The following LIG3 variants were observed in gnomAD, a reference collection of about 807,000 sequenced individuals.
LIG3 encodes the protein ligase II, DNA, ATP-dependent.
Under a neutral mutation model 110.9 loss-of-function variants are expected in LIG3, and 58 were observed. That is an observed-to-expected ratio of 0.52 (90% CI 0.42 to 0.65). The LOEUF (loss-of-function observed/expected upper bound fraction) is 0.65, where lower values mean the gene tolerates loss of function less well. Ranked by LOEUF, LIG3 falls within the 30% of genes least tolerant of loss-of-function variation. LIG3 has a pLI of 0.00. For missense variants in LIG3, 1,094 were observed against 1,273.8 expected (o/e 0.86, Z 2.15); for synonymous variants, 422 against 472.8 (o/e 0.89, Z 1.39).
At chr17:35,003,096 T>C in intron 19 of LIG3, 1 of 1,612,580 alleles carries the variant, frequency 6.2e-7, no homozygotes. Context: ...ACTCAGCTGC[T>C]GGCCCCAAGT....
intron 3 of LIG3, among the ~76,000 whole-genome samples, chr17:34,987,779 G>A (rs1023688032): frequency 1.3e-5 from 2 of 152,170 alleles, no homozygotes; most frequent in Admixed American, 6.5e-5. Context: ...CAGTGAGTTT[G>A]TGTATTTATT....
In LIG3 at chr17:34,999,308, C is replaced by T. The variant is rs752457103; in HGVS notation, c.2115C>T (p.Gly705=). Residue 705 remains glycine (G), a splice_region_variant and synonymous_variant, in exon 15 of 20, where the codon GGC becomes GGT. Coordinates refer to ENST00000378526, the MANE Select transcript of LIG3 (RefSeq NM_013975.4). Reference sequence around the variant, plus strand: ...ACTCATCTCACACTCCCCTCCCAGGCGGCATGATGTCAATCTTCCTCATGG... The same window carrying T: ...ACTCATCTCACACTCCCCTCCCAGGTGGCATGATGTCAATCTTCCTCATGG... ...LGAFYGQGSK[G]GMMSIFLMGC... is the part of the protein sequence containing the mutation. The T allele has an allele frequency of 1.5e-5, 24 of 1,611,202 alleles. No homozygotes were observed. In the Admixed American group the frequency reaches 1.8e-4, roughly 12 times the overall value.
intron 19 of LIG3, 73 bp from the exon 20 acceptor site, chr17:35,004,200 G>A (rs763182090): frequency 3.5e-5 from 38 of 1,098,730 alleles, no homozygotes; most frequent in Middle Eastern, 2.8e-4. Context: ...ATTCTGTCCC[G>A]TGCTCATTTG....
At position 35,001,904 on chromosome 17, in the gene LIG3, C is replaced by T; in HGVS notation, c.2479-5C>T. 2 of 1,607,258 alleles carry T rather than the reference C, an allele frequency of 1.2e-6. No individual in the cohort carries two copies. The highest frequency in any genetic ancestry group is 1.7e-6 in the Non-Finnish European group (2 of 1,177,732). ...ACCCTCTGACATTGTCCCTCCCCGC[C>T]TCAGGAACTGTACCAGTTGTCCAAG... On this transcript the variant is annotated splice_polypyrimidine_tract_variant and splice_region_variant and intron_variant, in intron 17 of 19. Transcript: ENST00000378526.
intron 1 of LIG3, chr17:34,981,417 G>A (rs533346691): frequency 2.0e-4 from 30 of 152,294 alleles, no homozygotes; most frequent in African/African-American, 6.7e-4. Flanking sequence ...TATCACGAAA[G>A]TGATAGACCT....
chr17:35,002,261 A>G lies in LIG3; in HGVS notation c.2674+157A>G, dbSNP rs548912657. Among the ~76,000 whole-genome samples the G allele has an allele frequency of 3.6e-3, 551 of 152,140 alleles. 6 individuals are homozygous for G. Among genetic ancestry groups the G allele is most frequent in the African/African-American group, 0.013 (519 of 41,500 alleles). On this transcript the variant is annotated intron_variant, in intron 18 of 19. Transcript: ENST00000378526. ...CTACATTCCTGGTGTGTGTCCAGCC[A>G]TGGGCCAGAGACCCTTCTGCTGGGC...
At chr17:34,980,952 CAG>C (rs893817248) in intron 1 of LIG3, 2 of 152,334 alleles carry the variant, frequency 1.3e-5, no homozygotes, top group African/African-American at 4.8e-5. Context: ...GGGTGGGACT[CAG>C]GGAGCCTTGA....
In LIG3 at chr17:34,994,277, C is replaced by T. The variant is rs1301120665; in HGVS notation, c.1457C>T (p.Ala486Val). The T allele has an allele frequency of 3.1e-6, 5 of 1,610,940 alleles. No homozygotes were observed. The highest frequency in any genetic ancestry group is 1.7e-6 in the Non-Finnish European group (2 of 1,179,078). The change falls in exon 9 of 20, where the codon GCG becomes GTG. Residue 486 changes from alanine to valine, a missense_variant and splice_region_variant. By Grantham distance (64) the Ala-to-Val change is moderately conservative. Transcript: ENST00000378526. ...AGGCTTTGCTTTCCCCACCCCAAGGCGGAGGCCTGCAAGTCCGTTGAGTAT... is the reference window on the plus strand; with the variant it reads ...AGGCTTTGCTTTCCCCACCCCAAGGTGGAGGCCTGCAAGTCCGTTGAGTAT... ...SLMTPVQPMLAEACKSVEYAM... is the reference protein window; with the variant it reads ...SLMTPVQPMLVEACKSVEYAM...
chr17:34,992,843 CT>C lies in LIG3; in HGVS notation c.1455+152del, dbSNP rs556775091. 2.6e-4 allele frequency: 191 copies of C among 747,600 alleles called. No individual in the cohort carries two copies. The African/African-American group carries it at 3.1e-3, about 12-fold the overall frequency. The allele number at this position is 747,600 out of a possible 1,614,324, so 46.3% of individuals were successfully genotyped here. On this transcript the variant is annotated intron_variant, in intron 8 of 19. Coordinates refer to ENST00000378526, the MANE Select transcript of LIG3 (RefSeq NM_013975.4). ...GAGGGAGGTGCAAGGGGGTATTTCT[CT>C]GTAGGAGGCGAAGGCAAAGGAGAAG... is the stretch of plus-strand genomic sequence containing the variant.
intron 3 of LIG3, among the ~76,000 whole-genome samples, chr17:34,988,928 T>TG (rs1271548905): frequency 1.3e-5 from 2 of 152,226 alleles, no homozygotes; most frequent in African/African-American, 4.8e-5. Context: ...TTTCACATTG[T>TG]CTAACACGTA....
intron 1 of LIG3, 149 bp downstream of exon 1, chr17:34,980,771 A>C: frequency 3.6e-6 from 1 of 278,356 alleles, no homozygotes; most frequent in Non-Finnish European, 5.5e-6. Flanking sequence ...ACCCTCCGTG[A>C]CGTGGCGGCC....
rs1445452673 is a variant in LIG3, at chr17:34,991,948, A to T, written c.1209-10A>T. ...TTCAAGACCAAGTTAAATGTGCTTC[A>T]TCCCCCTAGGTGTACAGCCAATGAC... On this transcript the variant is annotated splice_polypyrimidine_tract_variant and intron_variant, in intron 6 of 19. Transcript: ENST00000378526. 6.2e-7 allele frequency: 1 copy of T among 1,614,106 alleles called. No individual in the cohort carries two copies. The highest frequency in any genetic ancestry group is 1.1e-5 in the South Asian group (1 of 91,088).
intron 19 of LIG3, 126 bp downstream of exon 19, chr17:35,002,915 C>T (rs2090859548): frequency 1.2e-6 from 2 of 1,603,422 alleles, no homozygotes; most frequent in South Asian, 1.1e-5. Flanking sequence ...TAAACCTCTT[C>T]CCTGCCTGCA....
chr17:35,006,213 A>G lies in LIG3; in HGVS notation c.*1707A>G, dbSNP rs1323006615. ...ACTTTTTGCAGCAGTGGAAATATCCATAAATCTGCAGTATCCAACCAAACT... is the reference window on the plus strand; with the variant it reads ...ACTTTTTGCAGCAGTGGAAATATCCGTAAATCTGCAGTATCCAACCAAACT... On this transcript the variant is annotated 3_prime_UTR_variant, in exon 20 of 20. Coordinates refer to ENST00000378526, the MANE Select transcript of LIG3 (RefSeq NM_013975.4). 6.4e-6 allele frequency: 1 copy of G among 155,516 alleles called. No homozygotes were observed. Among genetic ancestry groups the G allele is most frequent in the Non-Finnish European group, 1.4e-5 (1 of 70,210 alleles). The allele number at this position is 155,516 out of a possible 1,614,324, so 9.6% of individuals were successfully genotyped here.
At chr17:34,989,099 C>T (rs1399905801) in intron 3 of LIG3, among the ~76,000 whole-genome samples, 2 of 152,054 alleles carry the variant, frequency 1.3e-5, no homozygotes, top group Non-Finnish European at 2.9e-5. Flanking sequence ...GCGTTGGCCT[C>T]GCATAGTGTT....
At chr17:34,997,320 A>G (rs2090788697) in intron 11 of LIG3, 5 of 179,300 alleles carry the variant, frequency 2.8e-5, no homozygotes, top group East Asian at 1.3e-4. Context: ...TGGTGGGGGT[A>G]GGATTTGGGG....
chr17:35,009,997 ACTC>A (rs2090925846), downstream of LIG3: 1 of 152,596 alleles, frequency 6.6e-6, no homozygotes, highest in South Asian at 2.1e-4. Flanking sequence ...GATTCCCCCA[ACTC>A]CTGCAAAGGC....
At chr17:35,010,051 T>C (rs2090926362), downstream of LIG3, 1 of 152,594 alleles carries the variant, frequency 6.6e-6, no homozygotes, top group South Asian at 2.1e-4. Context: ...TGTATAACAT[T>C]GAGGTAAGTG....
Position 35,009,304 on chromosome 17 carries a change from C to T in LIG3, c.*4798C>T, listed in dbSNP as rs755974809. The T allele has an allele frequency of 1.3e-5, 2 of 152,326 alleles. No individual in the cohort carries two copies. Among genetic ancestry groups the T allele is most frequent in the Non-Finnish European group, 1.5e-5 (1 of 68,018 alleles). 9.4% of individuals were successfully genotyped at this position (152,326 alleles called of 1,614,324 possible). A position where few individuals can be genotyped will look rare whatever the true frequency, so the allele number is the denominator to read the frequency against. ...ATATTGAGCACTAGTTCCTGTACAG[C>T]TTATTCTTATTAGTTTGGATCCAAC... On this transcript the variant is annotated 3_prime_UTR_variant, in exon 20 of 20. Coordinates refer to ENST00000378526, the MANE Select transcript of LIG3 (RefSeq NM_013975.4).
Sources: allele counts gnomAD v4.1 joint callset (sites outside exome capture counted in the v4.1 genomes callset), GRCh38; gene constraint gnomAD v4.1.1; transcripts MANE v1.5; gene names NCBI Gene and HGNC (gene_info 2026-07-23, HGNC 2026-07-21).